Variants in CENPM observed in about 807,000 individuals in gnomAD.
CENPM encodes the protein interphase centromere complex protein 39.
In CENPM, 14 loss-of-function variants were observed where a neutral mutation model predicts 19.6. The ratio of observed to expected loss-of-function variants is 0.71; its 90% confidence interval spans 0.47 to 1.11. The LOEUF (loss-of-function observed/expected upper bound fraction) is 1.11. Among genes scored for constraint, CENPM ranks in the 50% most tolerant of loss-of-function variants. The probability of loss-of-function intolerance (pLI) is 0.00; values close to 1 mark genes in which losing one functional copy is unlikely to be tolerated. For synonymous variants in CENPM, 114 were observed against 101.5 expected (o/e 1.12, Z -0.74); for missense variants, 239 against 228.4 (o/e 1.05, Z -0.30).
the CENPM span, among the ~76,000 whole-genome samples, chr22:41,932,728 T>C: frequency 2.0e-5 from 3 of 152,130 alleles, no homozygotes; most frequent in African/African-American, 7.2e-5. The surrounding 1 kb of genome is among the most constrained non-coding windows in gnomAD (Gnocchi z 4.3). Flanking sequence ...GTGTGTGAAG[T>C]AGAGGGAGGC....
intron 1 of CENPM, 101 bp downstream of exon 1, chr22:41,946,919 C>A: frequency 1.6e-6 from 2 of 1,220,392 alleles, no homozygotes; most frequent in South Asian, 1.2e-5. Flanking sequence ...GCCACGGTAG[C>A]GCGCGCTGGC....
intron 1 of CENPM, chr22:41,946,719 C>G: frequency 1.7e-6 from 1 of 595,332 alleles, no homozygotes; most frequent in Non-Finnish European, 3.0e-6. Flanking sequence ...CCGACCCTCG[C>G]TCCCACCGCC....
chr22:41,944,940 C>T, intron 4 of CENPM: 1 of 1,251,048 alleles, frequency 8.0e-7, no homozygotes, highest in African/African-American at 1.5e-5. Flanking sequence ...TTAAATTTAA[C>T]TTTTATTTTA....
intron 5 of CENPM, among the ~76,000 whole-genome samples, chr22:41,942,019 C>A (rs973183340): frequency 2.0e-5 from 3 of 152,180 alleles, no homozygotes; most frequent in Admixed American, 6.5e-5. Context: ...GGATAAGGGA[C>A]CCTGGTCTAG....
At chr22:41,939,243 C>T in intron 5 of CENPM, 47 bp from the exon 6 acceptor site, 3 of 1,549,742 alleles carry the variant, frequency 1.9e-6, no homozygotes, top group Non-Finnish European at 2.6e-6. Flanking sequence ...GCTGGCCCTG[C>T]TCCCTTACCC....
intron 1 of CENPM, 155 bp downstream of exon 1, chr22:41,946,865 T>TCTCTGAG (rs2077811441): frequency 1.4e-6 from 1 of 703,186 alleles, no homozygotes; most frequent in East Asian, 2.7e-5. Context: ...GAGCGGCTAC[T>TCTCTGAG]CCAATTGGTT....
intron 5 of CENPM, chr22:41,939,991 C>T (rs984665030): frequency 1.8e-6 from 1 of 570,350 alleles, no homozygotes; most frequent in Non-Finnish European, 3.2e-6. Flanking sequence ...CCATTTAAAA[C>T]CCAAGTCAGG....
In CENPM at chr22:41,943,615, G is replaced by A. The variant is rs1182255244; in HGVS notation, c.397C>T (p.Leu133=). ...TCTGTGATCAGCATGCTCACCTCCA[G>A]GTCACAGTAGAGCAGGGGGCTTTGA... ...TYQSPLLYCD[L]EVEGFRATMA... Residue 133 remains leucine (L), a synonymous_variant, in exon 5 of 6, where the codon CTG becomes TTG. Coordinates refer to ENST00000215980, the MANE Select transcript of CENPM (RefSeq NM_024053.5). The A allele has an allele frequency of 3.7e-6, 6 of 1,613,158 alleles. No homozygotes were observed. Among genetic ancestry groups the A allele is most frequent in the Non-Finnish European group, 5.1e-6 (6 of 1,179,522 alleles).
At chr22:41,944,171 C>T (rs1291719138) in intron 4 of CENPM, 5 of 984,728 alleles carry the variant, frequency 5.1e-6, no homozygotes, top group Middle Eastern at 5.2e-4. Flanking sequence ...CGGCCGGGTG[C>T]GGTGGCTCAG....
the CENPM span, among the ~76,000 whole-genome samples, chr22:41,931,299 T>C: frequency 7.7e-3 from 1,151 of 150,124 alleles, 17 homozygotes; most frequent in African/African-American, 0.028. Context: ...TGAAACCCTC[T>C]CTCTATAAGA....
chr22:41,942,049 G>A (rs1388381843), intron 5 of CENPM, among the ~76,000 whole-genome samples: 2 of 152,178 alleles, frequency 1.3e-5, no homozygotes, highest in Admixed American at 6.5e-5. Flanking sequence ...ATGGATTGGT[G>A]GTCACAGATC....
rs961912449 is a variant in CENPM at position 41,946,578 on chromosome 22, G to C, written c.58-82C>G. On this transcript the variant is annotated intron_variant, in intron 1 of 5. Coordinates refer to ENST00000215980, the MANE Select transcript of CENPM (RefSeq NM_024053.5). Reference sequence around the variant, plus strand: ...GGCCTGGCCCTTCGACCCACTCCCGGGGGGATCGGGACACCGCCAGCAGGC... The same window carrying C: ...GGCCTGGCCCTTCGACCCACTCCCGCGGGGATCGGGACACCGCCAGCAGGC... 14 of 1,158,208 alleles carry C rather than the reference G, an allele frequency of 1.2e-5. No homozygotes were observed. In the African/African-American group the frequency reaches 2.2e-4, roughly 18 times the overall value. 71.7% of individuals were successfully genotyped at this position (1,158,208 alleles called of 1,614,324 possible).
At chr22:41,946,275 T>C in intron 2 of CENPM, 142 bp downstream of exon 2, 1 of 739,892 alleles carries the variant, frequency 1.4e-6, no homozygotes, top group South Asian at 1.8e-5. Context: ...TAAGACGGCA[T>C]GGGACTAGCC....
At chr22:41,936,119 C>T (rs559894866), downstream of CENPM, among the ~76,000 whole-genome samples, 5 of 152,314 alleles carry the variant, frequency 3.3e-5, no homozygotes, top group South Asian at 2.1e-4. Context: ...ATCTGCCCAC[C>T]GTGGCCTCCC....
At chr22:41,937,144 T>A (rs2077687346), downstream of CENPM, among the ~76,000 whole-genome samples, 1 of 152,106 alleles carries the variant, frequency 6.6e-6, no homozygotes, top group East Asian at 1.9e-4. Flanking sequence ...CTCTACAATC[T>A]CCAATTAGAC....
intron 4 of CENPM, 67 bp from the exon 5 acceptor site, chr22:41,943,768 G>A (rs1179802190): frequency 2.1e-6 from 3 of 1,418,462 alleles, no homozygotes; most frequent in Admixed American, 1.9e-5. Context: ...AGGAAGTGCT[G>A]GGCAGAGTCA....
downstream of CENPM, among the ~76,000 whole-genome samples, chr22:41,934,048 C>T (rs993270556): frequency 6.6e-6 from 1 of 152,196 alleles, no homozygotes; most frequent in African/African-American, 2.4e-5. Context: ...TGCCCCAAGT[C>T]ACACTGCAGA....
intron 2 of CENPM, 93 bp downstream of exon 2, chr22:41,946,324 G>T (rs2077801305): frequency 2.8e-6 from 3 of 1,078,888 alleles, no homozygotes; most frequent in South Asian, 1.4e-5. Flanking sequence ...AGCCTCAGAG[G>T]AGGGGGCGCT....
the CENPM span, among the ~76,000 whole-genome samples, chr22:41,931,313 T>TA: frequency 0.059 from 8,458 of 142,968 alleles, 281 homozygotes; most frequent in Non-Finnish European, 0.078. Context: ...TATAAGAAAT[T>TA]TAAAAAAAAA....
Sources: allele counts gnomAD v4.1 joint callset (sites outside exome capture counted in the v4.1 genomes callset), GRCh38; gene constraint gnomAD v4.1.1; non-coding constraint Gnocchi (gnomAD v3.1); transcripts MANE v1.5; gene names NCBI Gene and HGNC (gene_info 2026-07-23, HGNC 2026-07-21).